TMEM156: variants seen among roughly 807,000 people sequenced by gnomAD.
TMEM156 encodes transmembrane protein 156.
A neutral mutation model predicts 30.5 loss-of-function variants in TMEM156; 28 were observed. The ratio of observed to expected loss-of-function variants is 0.92; its 90% CI spans 0.68 to 1.26. The LOEUF is 1.26. TMEM156 is among the 50% of genes most tolerant of loss of function. TMEM156 has a pLI of 0.00. For synonymous variants in TMEM156, 137 were observed against 119.9 expected, an observed-to-expected ratio of 1.14 and a Z score of -0.93; for missense variants, 351 against 340.6, an observed-to-expected ratio of 1.03 and a Z score of -0.24.
chr4:38,997,317 G>A (rs1713001262), intron 2 of TMEM156, among the ~76,000 whole-genome samples: 1 of 152,112 alleles, frequency 6.6e-6, no homozygotes, highest in Non-Finnish European at 1.5e-5. Flanking sequence ...ATTACCTACT[G>A]GGTACAATGT....
chr4:39,030,552 T>C (rs1328146747), intron 1 of TMEM156, among the ~76,000 whole-genome samples: 1 of 152,190 alleles, frequency 6.6e-6, no homozygotes, highest in Non-Finnish European at 1.5e-5. Context: ...GCTTCTCACT[T>C]TGAGAAACAA....
intron 5 of TMEM156, among the ~76,000 whole-genome samples, chr4:38,972,758 T>A (rs1243979746): frequency 6.6e-6 from 1 of 152,214 alleles, no homozygotes; most frequent in Non-Finnish European, 1.5e-5. Context: ...TCCAGTCTTA[T>A]CCTTCACCAT....
chr4:39,002,939 C>T (rs28698286), intron 1 of TMEM156, among the ~76,000 whole-genome samples: 73,721 of 151,344 alleles, frequency 0.49, 18,491 homozygotes, highest in East Asian at 0.66. Context: ...TGCTAGATGA[C>T]GAGTTAGTGG....
intron 1 of TMEM156, among the ~76,000 whole-genome samples, chr4:38,999,421 C>A (rs1262823442): frequency 6.6e-6 from 1 of 152,068 alleles, no homozygotes; most frequent in Non-Finnish European, 1.5e-5. Context: ...AGCATTTTAA[C>A]CATTCTCTAT....
At chr4:38,988,755 C>T (rs1188902776) in intron 4 of TMEM156, 96 bp downstream of exon 4, 4 of 1,489,882 alleles carry the variant, frequency 2.7e-6, no homozygotes, top group Middle Eastern at 3.5e-4. Flanking sequence ...CACTTATTCA[C>T]AGTAGGTGCA....
chr4:38,978,527 G>A (rs547424643), intron 5 of TMEM156, among the ~76,000 whole-genome samples: 2 of 152,264 alleles, frequency 1.3e-5, no homozygotes, highest in East Asian at 3.9e-4. Context: ...ATTTCGCTCA[G>A]CAACAGGGTA....
intron 1 of TMEM156, among the ~76,000 whole-genome samples, chr4:39,026,697 C>T (rs531490650): frequency 3.3e-5 from 5 of 152,072 alleles, no homozygotes; most frequent in East Asian, 3.9e-4. Flanking sequence ...GAGGCTGAGG[C>T]GGGTGGGTCA....
At chr4:39,016,118 G>A (rs1205593702) in intron 1 of TMEM156, among the ~76,000 whole-genome samples, 1 of 152,196 alleles carries the variant, frequency 6.6e-6, no homozygotes, top group Non-Finnish European at 1.5e-5. Flanking sequence ...GCTCACGCCT[G>A]TAATCCAGCA....
chr4:38,988,732 TACCAAGAATC>T (rs1712190965), intron 4 of TMEM156, 109 bp downstream of exon 4: 2 of 1,327,430 alleles, frequency 1.5e-6, no homozygotes, highest in Non-Finnish European at 2.1e-6. Context: ...TTCCTTGAGT[TACCAAGAATC>T]ACCACTTATT....
At chr4:39,001,013 A>G (rs73238503) in intron 1 of TMEM156, among the ~76,000 whole-genome samples, 41,488 of 152,028 alleles carry the variant, frequency 0.27, 6,233 homozygotes, top group East Asian at 0.44. Context: ...CTTACTGTGT[A>G]AAAATTGGGA....
At chr4:39,010,289 G>T (rs77463179) in intron 1 of TMEM156, among the ~76,000 whole-genome samples, 1 of 152,126 alleles carries the variant, frequency 6.6e-6, no homozygotes, top group Non-Finnish European at 1.5e-5. Flanking sequence ...TCATGGATCA[G>T]AATAATCAAT....
intron 5 of TMEM156, among the ~76,000 whole-genome samples, chr4:38,977,070 AATTT>A (rs1279693906): frequency 1.3e-5 from 2 of 152,174 alleles, no homozygotes; most frequent in East Asian, 3.9e-4. Context: ...CACACCGGCT[AATTT>A]TTGTATTTTT....
At chr4:39,027,124 C>T (rs1352589706) in intron 1 of TMEM156, among the ~76,000 whole-genome samples, 1 of 152,036 alleles carries the variant, frequency 6.6e-6, no homozygotes, top group Non-Finnish European at 1.5e-5. Flanking sequence ...TGTCAAAGTA[C>T]TTGGCATATT....
At chr4:39,030,042 C>A (rs1009746660) in intron 1 of TMEM156, among the ~76,000 whole-genome samples, 11 of 152,072 alleles carry the variant, frequency 7.2e-5, no homozygotes, top group African/African-American at 2.6e-4. Context: ...AGTAGGGTTC[C>A]TTTGAAACAA....
chr4:38,983,824 A>G (rs1711757847), intron 5 of TMEM156, among the ~76,000 whole-genome samples: 1 of 152,220 alleles, frequency 6.6e-6, no homozygotes, highest in South Asian at 2.1e-4. Context: ...GTGGAATTCT[A>G]TGCCCTGTAA....
At chr4:38,977,743 C>G (rs1020530117) in intron 5 of TMEM156, among the ~76,000 whole-genome samples, 3 of 152,096 alleles carry the variant, frequency 2.0e-5, no homozygotes, top group Admixed American at 6.5e-5. Flanking sequence ...CTTCAAACAG[C>G]CTTAAAAAAA....
At chr4:39,009,285 C>G (rs1713948977) in intron 1 of TMEM156, among the ~76,000 whole-genome samples, 1 of 152,018 alleles carries the variant, frequency 6.6e-6, no homozygotes, top group Non-Finnish European at 1.5e-5. Context: ...AGCCCTGGAC[C>G]AAATTAATTC....
At chr4:38,980,280 A>G (rs1233460181) in intron 5 of TMEM156, among the ~76,000 whole-genome samples, 1 of 151,842 alleles carries the variant, frequency 6.6e-6, no homozygotes, top group East Asian at 1.9e-4. Flanking sequence ...GGTATCTTTA[A>G]TACTCCAAAG....
intron 1 of TMEM156, among the ~76,000 whole-genome samples, chr4:39,015,125 T>G (rs1196631598): frequency 6.6e-6 from 1 of 152,252 alleles, no homozygotes; most frequent in Non-Finnish European, 1.5e-5. Flanking sequence ...TTAATTTTGC[T>G]ATGTCTGTAG....
Sources: gnomAD v4.1 joint callset for allele counts (sites outside exome capture counted in the v4.1 genomes callset) on GRCh38, gnomAD v4.1.1 for gene constraint, MANE v1.5 for transcripts, NCBI Gene and HGNC (gene_info 2026-07-23, HGNC 2026-07-21) for gene names.